The following LMO7 variants were observed in gnomAD, a reference collection of about 807,000 sequenced individuals.
LMO7 encodes the protein LIM domain 7.
In LMO7, 120 loss-of-function variants were observed where a neutral mutation model predicts 206.5. The ratio of observed to expected loss-of-function variants is 0.58; its 90% CI spans 0.50 to 0.68. The LOEUF is 0.68. LMO7 is among the 30% of genes least tolerant of loss of function. The probability of loss-of-function intolerance (pLI) is 0.00; values close to 1 mark genes in which losing one functional copy is unlikely to be tolerated. For missense variants in LMO7, 1,959 were observed against 1,957.9 expected, an observed-to-expected ratio of 1.00 and a Z score of -0.01; for synonymous variants, 706 against 681.5, an observed-to-expected ratio of 1.04 and a Z score of -0.56.
chr13:75,804,059 C>G (rs555696315), intron 7 of LMO7: 67 of 434,600 alleles, frequency 1.5e-4, no homozygotes, highest in Non-Finnish European at 1.9e-4. Flanking sequence ...ACTTATTCTT[C>G]TTAGAGCCTA....
chr13:75,670,626 A>G (rs991847324), intron 1 of LMO7, among the ~76,000 whole-genome samples: 2 of 152,224 alleles, frequency 1.3e-5, no homozygotes, highest in African/African-American at 4.8e-5. Context: ...AAGAAATGCT[A>G]CATTTGTATA....
chr13:75,794,490 T>A (rs570973330), intron 4 of LMO7, among the ~76,000 whole-genome samples: 2 of 152,220 alleles, frequency 1.3e-5, no homozygotes, highest in African/African-American at 4.8e-5. Context: ...TATGAATATA[T>A]ATGTGTTTTA....
At chr13:75,715,103 T>G (rs1454475271) in intron 2 of LMO7, among the ~76,000 whole-genome samples, 3 of 152,250 alleles carry the variant, frequency 2.0e-5, no homozygotes, top group Non-Finnish European at 4.4e-5. Flanking sequence ...GGGTCCCACT[T>G]TTGGGGCATT....
At chr13:75,705,321 A>G (rs994165313) in intron 1 of LMO7, among the ~76,000 whole-genome samples, 6 of 152,238 alleles carry the variant, frequency 3.9e-5, no homozygotes, top group African/African-American at 1.4e-4. Flanking sequence ...TTTAAAATTA[A>G]GGGACTGAGT....
chr13:75,738,156 G>A (rs1034489058), intron 3 of LMO7, among the ~76,000 whole-genome samples: 1 of 152,152 alleles, frequency 6.6e-6, no homozygotes, highest in Non-Finnish European at 1.5e-5. Flanking sequence ...TCACCAAGGC[G>A]ATTCAAATAT....
At chr13:75,845,769 G>C (rs1046569465) in intron 26 of LMO7, among the ~76,000 whole-genome samples, 1 of 152,146 alleles carries the variant, frequency 6.6e-6, no homozygotes, top group African/African-American at 2.4e-5. Context: ...ATGCCAAAAT[G>C]TCAAAAAATC....
intron 26 of LMO7, 89 bp from the exon 27 acceptor site, chr13:75,848,990 T>C (rs538898178): frequency 4.7e-5 from 35 of 750,532 alleles, no homozygotes; most frequent in Middle Eastern, 3.6e-4. Context: ...GGTTTTGATT[T>C]GCATTTCCCT....
chr13:75,750,448 GGTGCAGTC>G (rs2047188293), intron 3 of LMO7, among the ~76,000 whole-genome samples: 1 of 146,712 alleles, frequency 6.8e-6, no homozygotes, highest in African/African-American at 2.5e-5. Flanking sequence ...GGAATGCAGT[GGTGCAGTC>G]ATGGCTCACT....
chr13:75,838,448 C>G, intron 20 of LMO7: 1 of 282,286 alleles, frequency 3.5e-6, no homozygotes, highest in Non-Finnish European at 4.8e-6. Context: ...TTTTTTTTAA[C>G]TTTGTAAAAA....
intron 3 of LMO7, among the ~76,000 whole-genome samples, chr13:75,744,393 C>T (rs1488237785): frequency 2.0e-5 from 3 of 152,198 alleles, no homozygotes; most frequent in African/African-American, 7.2e-5. Flanking sequence ...CATTTACTTG[C>T]CAAGTTTCAG....
intron 3 of LMO7, among the ~76,000 whole-genome samples, chr13:75,735,596 G>T (rs920686947): frequency 5.9e-5 from 9 of 151,750 alleles, no homozygotes; most frequent in Admixed American, 1.3e-4. Flanking sequence ...TGAGTAGCTG[G>T]GACTACAGGC....
chr13:75,834,116 G>T (rs1012987177), intron 16 of LMO7, 110 bp from the exon 17 acceptor site: 1 of 757,994 alleles, frequency 1.3e-6, no homozygotes, highest in Admixed American at 3.3e-5. Flanking sequence ...CTGAAAAAGA[G>T]AGAAATGGTT....
chr13:75,850,304 C>T (rs1314646329), intron 27 of LMO7, among the ~76,000 whole-genome samples: 2 of 152,154 alleles, frequency 1.3e-5, no homozygotes, highest in Admixed American at 1.3e-4. Context: ...AATAGGAGTT[C>T]TTCTTTCCAC....
intron 2 of LMO7, among the ~76,000 whole-genome samples, chr13:75,626,595 A>ATTTTTTT (rs1240937141): frequency 1.3e-4 from 9 of 71,184 alleles, no homozygotes; most frequent in Non-Finnish European, 2.9e-4. Flanking sequence ...ATATATATAA[A>ATTTTTTT]TTTTTTTGAG....
At chr13:75,780,460 C>A (rs1220563878) in intron 4 of LMO7, among the ~76,000 whole-genome samples, 3 of 152,204 alleles carry the variant, frequency 2.0e-5, no homozygotes, top group African/African-American at 7.2e-5. Flanking sequence ...CCGCCCGGCC[C>A]TGCAGGCAGT....
chr13:75,796,601 T>C, intron 5 of LMO7, 35 bp from the exon 6 acceptor site: 1 of 1,331,580 alleles, frequency 7.5e-7, no homozygotes, highest in Non-Finnish European at 1.1e-6. Flanking sequence ...GCTAATCGAC[T>C]GATCTTGTTG....
chr13:75,706,538 C>T (rs1161683053), intron 1 of LMO7, among the ~76,000 whole-genome samples: 1 of 130,552 alleles, frequency 7.7e-6, no homozygotes, highest in African/African-American at 3.8e-5. Context: ...GAGAACTTAT[C>T]TTATACTGAA....
chr13:75,731,458 CTT>C (rs1245363133), intron 3 of LMO7, among the ~76,000 whole-genome samples: 1 of 151,900 alleles, frequency 6.6e-6, no homozygotes, highest in Non-Finnish European at 1.5e-5. Flanking sequence ...CAACCCCTGC[CTT>C]TTTTTGTTTT....
At chr13:75,753,994 A>G (rs2047478788) in intron 3 of LMO7, among the ~76,000 whole-genome samples, 1 of 152,242 alleles carries the variant, frequency 6.6e-6, no homozygotes, top group Non-Finnish European at 1.5e-5. Flanking sequence ...GTATCCCTAA[A>G]GCTATTGACA....
Sources: gnomAD v4.1 joint callset for allele counts (sites outside exome capture counted in the v4.1 genomes callset) on GRCh38, gnomAD v4.1.1 for gene constraint, MANE v1.5 for transcripts, NCBI Gene and HGNC (gene_info 2026-07-23, HGNC 2026-07-21) for gene names.